Variants in FCHSD2 observed in about 807,000 individuals in gnomAD.
FCHSD2 encodes F-BAR and double SH3 domains protein 2.
FCHSD2 carries 38 observed loss-of-function variants against 108.1 expected under a neutral mutation model. The ratio of observed to expected loss-of-function variants is 0.35; its 90% CI spans 0.27 to 0.46. The LOEUF is 0.46. Among genes scored for constraint, FCHSD2 ranks in the 20% least tolerant of loss-of-function variants. FCHSD2 has a pLI of 1.00. For synonymous variants in FCHSD2, 279 were observed against 314.7 expected (o/e 0.89, Z 1.20); for missense variants, 751 against 897.8 (o/e 0.84, Z 2.09).
At chr11:72,871,123 C>A (rs559284359) in intron 12 of FCHSD2, among the ~76,000 whole-genome samples, 6 of 152,218 alleles carry the variant, frequency 3.9e-5, no homozygotes, top group South Asian at 2.1e-4. Context: ...AAACAAGTAA[C>A]CACAGAACTA....
intron 12 of FCHSD2, among the ~76,000 whole-genome samples, chr11:72,878,258 C>G (rs1055067885): frequency 6.6e-6 from 1 of 152,076 alleles, no homozygotes; most frequent in East Asian, 1.9e-4. Flanking sequence ...TCACTGCATT[C>G]TAGCCTGGGA....
chr11:72,871,914 C>T (rs990905473), intron 12 of FCHSD2, among the ~76,000 whole-genome samples: 9 of 151,964 alleles, frequency 5.9e-5, no homozygotes, highest in African/African-American at 2.2e-4. Flanking sequence ...TGATTTCCCT[C>T]CGAATTCTCT....
chr11:72,846,980 T>G (rs1297171427), intron 14 of FCHSD2, among the ~76,000 whole-genome samples: 2 of 152,192 alleles, frequency 1.3e-5, no homozygotes, highest in Non-Finnish European at 2.9e-5. Flanking sequence ...CTCATTGAAC[T>G]GCCAAATTTA....
chr11:72,956,294 T>C (rs1025064075), intron 8 of FCHSD2, among the ~76,000 whole-genome samples: 1 of 152,038 alleles, frequency 6.6e-6, no homozygotes, highest in Admixed American at 6.5e-5. Flanking sequence ...GAAGAAATGA[T>C]GAAAATAGAA....
At chr11:73,012,778 C>A (rs1857889390) in intron 4 of FCHSD2, among the ~76,000 whole-genome samples, 2 of 152,226 alleles carry the variant, frequency 1.3e-5, no homozygotes, top group Admixed American at 1.3e-4. Context: ...GTTGCAAGAG[C>A]TATTTTAAAT....
intron 13 of FCHSD2, among the ~76,000 whole-genome samples, chr11:72,851,760 GAAAAC>G (rs1202363886): frequency 6.7e-6 from 1 of 149,988 alleles, no homozygotes; most frequent in Non-Finnish European, 1.5e-5. Flanking sequence ...ACAAAAAATA[GAAAAC>G]AAAACAAGAA....
chr11:73,060,797 A>C lies in FCHSD2; in HGVS notation c.165+22898T>G, dbSNP rs1859141162. On this transcript the variant is annotated intron_variant, in intron 3 of 19. Transcript: ENST00000409418. ...TACACAAAACTCTAGGTTAAGAAGA[A>C]GGCAATGGAGAGTTTGGCTCCTGCA... Among the ~76,000 whole-genome samples, 4 of 152,344 alleles carry C rather than the reference A, an allele frequency of 2.6e-5. No homozygotes were observed. The South Asian group carries it at 8.3e-4, about 32-fold the overall frequency.
At chr11:73,057,526 C>T (rs1273812060) in intron 3 of FCHSD2, among the ~76,000 whole-genome samples, 1 of 151,788 alleles carries the variant, frequency 6.6e-6, no homozygotes, top group African/African-American at 2.4e-5. Flanking sequence ...ATGGAAAGGA[C>T]AGAAGGGAAG....
chr11:73,065,846 A>G (rs1234494819), intron 3 of FCHSD2, among the ~76,000 whole-genome samples: 1 of 152,228 alleles, frequency 6.6e-6, no homozygotes. Flanking sequence ...GCTCAAGGAA[A>G]TAAGAGAGGA....
At position 72,842,661 on chromosome 11, in the gene FCHSD2, G is replaced by A. The variant is rs1860999258; in HGVS notation, c.1886C>T (p.Ala629Val). ...CCATGGAGTGTCACCATTTTCTGAG[G>A]CTGAAAGTTCTTCCACTAGCACCGA... is the stretch of plus-strand genomic sequence containing the variant. ...FPSVLVEELSASENGDTPWMR... is the reference protein window; with the variant it reads ...FPSVLVEELSVSENGDTPWMR... Residue 629 changes from alanine to valine, a missense_variant, in exon 17 of 20, where the codon GCC becomes GTC. Transcript: ENST00000409418. The A allele has an allele frequency of 6.2e-7, 1 of 1,613,850 alleles. No homozygotes were observed. Among genetic ancestry groups the A allele is most frequent in the South Asian group, 1.1e-5 (1 of 91,082 alleles).
chr11:72,854,345 A>G (rs929759308), intron 13 of FCHSD2, among the ~76,000 whole-genome samples: 5 of 152,244 alleles, frequency 3.3e-5, no homozygotes, highest in Admixed American at 6.5e-5. Context: ...AGATGAATGG[A>G]TAAGTAAAAT....
intron 3 of FCHSD2, among the ~76,000 whole-genome samples, chr11:73,063,623 A>C (rs1211807659): frequency 6.6e-6 from 1 of 152,182 alleles, no homozygotes; most frequent in Non-Finnish European, 1.5e-5. Flanking sequence ...AGCAAAAAAA[A>C]AGCAGGAGTT....
chr11:72,992,587 C>T (rs1340019300), intron 5 of FCHSD2, among the ~76,000 whole-genome samples: 2 of 152,078 alleles, frequency 1.3e-5, no homozygotes, highest in Non-Finnish European at 2.9e-5. Flanking sequence ...CGAACAGAGC[C>T]CTCAGAAATA....
intron 3 of FCHSD2, among the ~76,000 whole-genome samples, chr11:73,047,323 G>C (rs1290972102): frequency 2.0e-5 from 3 of 151,922 alleles, no homozygotes; most frequent in South Asian, 2.1e-4. Flanking sequence ...TGATAGGGAA[G>C]AAAAGTGGTC....
chr11:72,959,293 G>A (rs562354880), intron 8 of FCHSD2, among the ~76,000 whole-genome samples: 24 of 120,256 alleles, frequency 2.0e-4, no homozygotes, highest in African/African-American at 3.4e-4. Flanking sequence ...GCAGTGGCCC[G>A]ATCTCGGCTC....
At chr11:72,979,711 G>A (rs551361546) in intron 8 of FCHSD2, among the ~76,000 whole-genome samples, 1 of 152,036 alleles carries the variant, frequency 6.6e-6, no homozygotes, top group Non-Finnish European at 1.5e-5. Context: ...GCCCACTTTC[G>A]CAAGAAGGTA....
At chr11:72,953,129 A>C (rs1322322502) in intron 8 of FCHSD2, among the ~76,000 whole-genome samples, 2 of 152,228 alleles carry the variant, frequency 1.3e-5, no homozygotes, top group African/African-American at 2.4e-5. Flanking sequence ...ACACCAGAAA[A>C]CATGAGATGC....
At chr11:72,861,657 C>T (rs984484984) in intron 13 of FCHSD2, among the ~76,000 whole-genome samples, 7 of 152,130 alleles carry the variant, frequency 4.6e-5, no homozygotes, top group African/African-American at 1.4e-4. Context: ...AGGCCGGGCG[C>T]GCTGGCTCAT....
chr11:72,973,133 C>A (rs1305643104), intron 8 of FCHSD2, among the ~76,000 whole-genome samples: 1 of 152,032 alleles, frequency 6.6e-6, no homozygotes, highest in East Asian at 1.9e-4. Context: ...CCTTGGAGGC[C>A]AAGGCAGGCG....
Sources: gnomAD v4.1 joint callset for allele counts (sites outside exome capture counted in the v4.1 genomes callset) on GRCh38, gnomAD v4.1.1 for gene constraint, MANE v1.5 for transcripts, NCBI Gene and HGNC (gene_info 2026-07-23, HGNC 2026-07-21) for gene names.